The following NCR1 variants were observed in gnomAD, a reference collection of about 807,000 sequenced individuals.
NCR1 encodes the protein natural cytotoxicity triggering receptor 1.
In NCR1, 30 loss-of-function variants were observed where a neutral mutation model predicts 32.5. That is an observed-to-expected ratio of 0.92 (90% CI 0.69 to 1.25). NCR1 has a LOEUF of 1.25. Ranked by LOEUF, NCR1 falls within the 50% of genes most tolerant of loss-of-function variation. The pLI is 0.00. For missense variants in NCR1, 369 were observed against 380.7 expected (o/e 0.97, Z 0.26); for synonymous variants, 169 against 143.4 (o/e 1.18, Z -1.28).
chr19:54,903,357 T>C (rs925030720), upstream of NCR1, among the ~76,000 whole-genome samples: 1 of 131,386 alleles, frequency 7.6e-6, no homozygotes, highest in African/African-American at 3.2e-5. Context: ...TATGCATATA[T>C]ACATACATGT....
At chr19:54,927,754 C>T in the NCR1 span, 3 of 1,614,064 alleles carry the variant, frequency 1.9e-6, no homozygotes, top group Non-Finnish European at 2.5e-6. Context: ...AATAGAAAGG[C>T]ATGAGGGAGC....
chr19:54,898,241 C>A, the NCR1 span, among the ~76,000 whole-genome samples: 1 of 152,166 alleles, frequency 6.6e-6, no homozygotes, highest in Non-Finnish European at 1.5e-5. Context: ...GTGAGTTGAA[C>A]AGTCCGATTT....
Position 54,906,175 on chromosome 19 carries a change from C to A in NCR1, c.-13C>A, listed in dbSNP as rs757564531. On this transcript the variant is annotated 5_prime_UTR_variant, in exon 1 of 7. Coordinates refer to ENST00000291890, the MANE Select transcript of NCR1 (RefSeq NM_004829.7). ...TCCCCACTGCTCAGCACTAGGCCGG[C>A]AGAATCTGAGCGATGTCTTCCACAC... The A allele has an allele frequency of 4.3e-6, 7 of 1,614,148 alleles. No individual in the cohort carries two copies. Among genetic ancestry groups the A allele is most frequent in the Non-Finnish European group, 5.9e-6 (7 of 1,180,044 alleles).
At chr19:54,915,821 G>C (rs1415353288), downstream of NCR1, 3 of 129,538 alleles carry the variant, frequency 2.3e-5, no homozygotes, top group Non-Finnish European at 4.7e-5. Flanking sequence ...CAGCCTGGGC[G>C]ACAGAGCGAG....
At chr19:54,927,994 G>A in the NCR1 span, among the ~76,000 whole-genome samples, 1 of 152,104 alleles carries the variant, frequency 6.6e-6, no homozygotes, top group Non-Finnish European at 1.5e-5. Context: ...TTGGGAGGCC[G>A]AGGAGGGTAG....
rs1440422214 is a variant in NCR1, at chr19:54,907,871, A to AT, written c.355+1065dup. Among the ~76,000 whole-genome samples, 3 of 152,088 alleles carry AT rather than the reference A, an allele frequency of 2.0e-5. No homozygotes were observed. In the East Asian group the frequency reaches 5.8e-4, roughly 29 times the overall value. Reference sequence around the variant, plus strand: ...AAAAGTTATTTCTATATTCTGTGTCATATACTTGTGTTGAAATATATATAT... The same window carrying AT: ...AAAAGTTATTTCTATATTCTGTGTCATTATACTTGTGTTGAAATATATATAT... On this transcript the variant is annotated intron_variant, in intron 3 of 6. Coordinates refer to ENST00000291890, the MANE Select transcript of NCR1 (RefSeq NM_004829.7).
At chr19:54,911,021 C>T (rs761110455) in intron 5 of NCR1, among the ~76,000 whole-genome samples, 17 of 151,932 alleles carry the variant, frequency 1.1e-4, no homozygotes, top group East Asian at 1.9e-4. Context: ...TGGAAGATGA[C>T]GGTGGGATGG....
At chr19:54,930,115 CAA>C in the NCR1 span, among the ~76,000 whole-genome samples, 23,293 of 100,230 alleles carry the variant, frequency 0.23, 2,083 homozygotes, top group Non-Finnish European at 0.28. Flanking sequence ...GGCTCCGTCT[CAA>C]AAAAAAAAAA....
chr19:54,926,770 G>T, the NCR1 span, among the ~76,000 whole-genome samples: 1 of 151,746 alleles, frequency 6.6e-6, no homozygotes, highest in Non-Finnish European at 1.5e-5. Context: ...ACAAAAATTA[G>T]CTGGGTGTGG....
At chr19:54,921,389 C>T in the NCR1 span, among the ~76,000 whole-genome samples, 8 of 152,212 alleles carry the variant, frequency 5.3e-5, no homozygotes, top group Non-Finnish European at 1.0e-4. Flanking sequence ...TCACGAAAGA[C>T]AGCAATGCTC....
chr19:54,935,927 T>C, the NCR1 span, among the ~76,000 whole-genome samples: 1 of 152,094 alleles, frequency 6.6e-6, no homozygotes, highest in Non-Finnish European at 1.5e-5. Context: ...AAAAACTGTC[T>C]TGTGCAAAAC....
chr19:54,923,768 G>A, the NCR1 span: 2 of 1,613,702 alleles, frequency 1.2e-6, no homozygotes, highest in Non-Finnish European at 8.5e-7. Context: ...GCACGGAGGT[G>A]CCGTTGCCCC....
At chr19:54,905,124 G>C (rs1409765033), upstream of NCR1, among the ~76,000 whole-genome samples, 1 of 152,162 alleles carries the variant, frequency 6.6e-6, no homozygotes, top group Non-Finnish European at 1.5e-5. Flanking sequence ...TGGGCTGAAT[G>C]GTAACTCTGT....
At chr19:54,909,221 T>C in intron 3 of NCR1, 24 bp from the exon 4 acceptor site, 1 of 1,594,798 alleles carries the variant, frequency 6.3e-7, no homozygotes, top group South Asian at 1.1e-5. Context: ...GTTTCTGGTG[T>C]GGTGGCCCCA....
Position 54,906,221 on chromosome 19 carries a change from G to T in NCR1, c.34G>T (p.Gly12Trp). The T allele has an allele frequency of 6.2e-7, 1 of 1,614,182 alleles. No homozygotes were observed. The highest frequency in any genetic ancestry group is 8.5e-7 in the Non-Finnish European group (1 of 1,180,044). Reference sequence around the variant, plus strand: ...CACACTCCCTGCCCTGCTCTGCGTCGGTGAGTTCTGGCGTGGAAGGGGAAT... The same window carrying T: ...CACACTCCCTGCCCTGCTCTGCGTCTGTGAGTTCTGGCGTGGAAGGGGAAT... Reference protein sequence around the residue: ...SSTLPALLCVGLCLSQRISAQ... With the variant: ...SSTLPALLCVWLCLSQRISAQ... Residue 12 changes from glycine (G) to tryptophan (W), a missense_variant and splice_region_variant, in exon 1 of 7, where the codon GGG becomes TGG. Gly to Trp is a radical substitution (Grantham distance 184). Coordinates refer to ENST00000291890, the MANE Select transcript of NCR1 (RefSeq NM_004829.7).
upstream of NCR1, among the ~76,000 whole-genome samples, chr19:54,901,656 A>G (rs987339450): frequency 3.9e-5 from 6 of 152,140 alleles, no homozygotes; most frequent in Admixed American, 2.0e-4. Context: ...TGAAATCAGA[A>G]TAAAGTCTAT....
the NCR1 span, among the ~76,000 whole-genome samples, chr19:54,900,295 GAGAT>G: frequency 6.3e-3 from 954 of 152,276 alleles, 14 homozygotes; most frequent in African/African-American, 0.022. Flanking sequence ...TCAGCAAAGG[GAGAT>G]AGGAGTGCGG....
At chr19:54,911,072 C>T (rs1455996757) in intron 5 of NCR1, among the ~76,000 whole-genome samples, 1 of 152,028 alleles carries the variant, frequency 6.6e-6, no homozygotes, top group Admixed American at 6.6e-5. Flanking sequence ...TGAGGCCCGG[C>T]GCGGTGGCTC....
chr19:54,903,291 TAC>T (rs1303818714), upstream of NCR1, among the ~76,000 whole-genome samples: 1 of 144,912 alleles, frequency 6.9e-6, no homozygotes, highest in South Asian at 2.1e-4. Flanking sequence ...TATACATATA[TAC>T]ACATATACGT....
Sources: gnomAD v4.1 joint callset for allele counts (sites outside exome capture counted in the v4.1 genomes callset) on GRCh38, gnomAD v4.1.1 for gene constraint, MANE v1.5 for transcripts, NCBI Gene and HGNC (gene_info 2026-07-23, HGNC 2026-07-21) for gene names.